The following ARHGAP22 variants were observed in gnomAD, a reference collection of about 807,000 sequenced individuals.
ARHGAP22 encodes the protein Rho GTPase activating protein 22, also known as rho GTPase-activating protein 22.
A neutral mutation model predicts 59.1 loss-of-function variants in ARHGAP22; 48 were observed. The observed-to-expected ratio is 0.81, with a 90% CI of 0.64 to 1.03. ARHGAP22 has a LOEUF of 1.03. Among genes scored for constraint, ARHGAP22 ranks in the 50% least tolerant of loss-of-function variants. The pLI is 0.00. For missense variants in ARHGAP22, 1,015 were observed against 958.7 expected (o/e 1.06, Z -0.78); for synonymous variants, 445 against 416.4 (o/e 1.07, Z -0.84).
intron 3 of ARHGAP22, among the ~76,000 whole-genome samples, chr10:48,489,523 CCTT>C (rs1360829358): frequency 1.3e-5 from 2 of 152,104 alleles, no homozygotes; most frequent in Non-Finnish European, 2.9e-5. Context: ...TTTATGCTGA[CCTT>C]CTTCTCTGTA....
At chr10:48,632,980 G>A (rs748120339) in intron 1 of ARHGAP22, among the ~76,000 whole-genome samples, 5 of 152,188 alleles carry the variant, frequency 3.3e-5, no homozygotes, top group Non-Finnish European at 7.3e-5. Context: ...GGAAGATCCT[G>A]AGTCACCTGC....
At chr10:48,590,154 C>A (rs1433808545) in intron 1 of ARHGAP22, among the ~76,000 whole-genome samples, 1 of 151,856 alleles carries the variant, frequency 6.6e-6, no homozygotes, top group African/African-American at 2.4e-5. Flanking sequence ...GGGAGTACAG[C>A]AAAGAAGCCT....
intron 3 of ARHGAP22, among the ~76,000 whole-genome samples, chr10:48,480,345 A>G (rs1319377680): frequency 6.6e-6 from 1 of 152,218 alleles, no homozygotes; most frequent in Non-Finnish European, 1.5e-5. Flanking sequence ...AGGATCGGAA[A>G]ACTCAGACAG....
At chr10:48,561,839 G>A (rs930153046) in intron 2 of ARHGAP22, among the ~76,000 whole-genome samples, 29 of 152,202 alleles carry the variant, frequency 1.9e-4, no homozygotes, top group African/African-American at 6.8e-4. Context: ...CTAAGTGTTG[G>A]TGTGGGTGCA....
At chr10:48,447,377 G>T (rs1341863760) in intron 9 of ARHGAP22, among the ~76,000 whole-genome samples, 2 of 152,206 alleles carry the variant, frequency 1.3e-5, no homozygotes, top group Non-Finnish European at 2.9e-5. Flanking sequence ...GAGCCACATG[G>T]CTGTGGACAG....
intron 3 of ARHGAP22, among the ~76,000 whole-genome samples, chr10:48,551,859 T>C (rs1297261014): frequency 1.3e-5 from 2 of 152,222 alleles, no homozygotes; most frequent in African/African-American, 4.8e-5. Context: ...CTAGAATCTG[T>C]AGGAGGCCCC....
At chr10:48,552,649 C>T (rs927760384) in intron 3 of ARHGAP22, among the ~76,000 whole-genome samples, 1 of 152,200 alleles carries the variant, frequency 6.6e-6, no homozygotes, top group South Asian at 2.1e-4. Flanking sequence ...AAGAAAATGT[C>T]CCCAGACTCC....
At chr10:48,635,364 T>C (rs370970312) in intron 1 of ARHGAP22, among the ~76,000 whole-genome samples, 5 of 152,342 alleles carry the variant, frequency 3.3e-5, no homozygotes, top group African/African-American at 1.2e-4. Context: ...CAGCTTTGGG[T>C]GCTCCGTAAC....
rs886235398 is a variant in ARHGAP22 at position 48,450,640 on chromosome 10, C to T, written c.1489G>A (p.Ala497Thr). The change falls in exon 9 of 10, where the codon GCG (alanine) becomes ACG (threonine). Residue 497 changes from alanine (A) to threonine (T), a missense_variant. Ala to Thr is a moderately conservative substitution (Grantham distance 58, BLOSUM62 0). Transcript: ENST00000249601. ...QRLSTYDNVP[A>T]PGLVPGIPSV... is the part of the protein sequence containing the mutation. ...GGTATGCCGGGGACCAGGCCCGGCG[C>T]GGGCACATTGTCGTAGGTGGAGAGT... The T allele has an allele frequency of 9.0e-6, 14 of 1,549,770 alleles. No individual in the cohort carries two copies. The highest frequency in any genetic ancestry group is 5.5e-5 in the African/African-American group (4 of 73,068).
At chr10:48,638,440 C>T (rs894420197) in intron 1 of ARHGAP22, among the ~76,000 whole-genome samples, 1 of 151,928 alleles carries the variant, frequency 6.6e-6, no homozygotes, top group African/African-American at 2.4e-5. Flanking sequence ...GATGAAGGGC[C>T]CTGGCTTCTG....
At chr10:48,555,021 G>A (rs551313571) in intron 3 of ARHGAP22, among the ~76,000 whole-genome samples, 2 of 152,274 alleles carry the variant, frequency 1.3e-5, no homozygotes, top group Admixed American at 6.5e-5. Flanking sequence ...AACTGCTAAC[G>A]TGACAGTAGA....
intron 3 of ARHGAP22, among the ~76,000 whole-genome samples, chr10:48,509,745 G>A (rs1389976247): frequency 6.6e-6 from 1 of 152,172 alleles, no homozygotes; most frequent in Non-Finnish European, 1.5e-5. Context: ...AAGGGAGGGG[G>A]CCGTGACATC....
At chr10:48,450,127 AG>A in intron 9 of ARHGAP22, 133 bp downstream of exon 9, 1 of 1,293,578 alleles carries the variant, frequency 7.7e-7, no homozygotes, top group Non-Finnish European at 1.0e-6. Context: ...TCCCAGAGCT[AG>A]GATTCCCCTC....
chr10:48,533,158 T>G (rs2055019342), intron 3 of ARHGAP22, among the ~76,000 whole-genome samples: 1 of 151,814 alleles, frequency 6.6e-6, no homozygotes, highest in Admixed American at 6.5e-5. Context: ...TTGCTATTCA[T>G]TTTGCAGACT....
intron 1 of ARHGAP22, among the ~76,000 whole-genome samples, chr10:48,638,400 T>TTG (rs148218697): frequency 2.7e-4 from 41 of 151,482 alleles, no homozygotes; most frequent in South Asian, 1.9e-3. Flanking sequence ...AGTGTGTGTG[T>TTG]TGTGTGTGTG....
rs148134080 is a variant in ARHGAP22 at position 48,541,891 on chromosome 10, G to A, written c.322+13572C>T. On this transcript the variant is annotated intron_variant, in intron 3 of 9. Coordinates refer to ENST00000249601, the MANE Select transcript of ARHGAP22 (RefSeq NM_021226.4). ...TGACATTACCTATTGAGCTCCATGGGGGGAGTTCAGTTAAAGGCCCCTTTG... is the reference window on the plus strand; with the variant it reads ...TGACATTACCTATTGAGCTCCATGGAGGGAGTTCAGTTAAAGGCCCCTTTG... Among the ~76,000 whole-genome samples, 786 of 152,326 alleles carry A rather than the reference G, an allele frequency of 5.2e-3. 5 individuals carry two copies. The highest frequency in any genetic ancestry group is 0.01 in the Admixed American group (157 of 15,298).
intron 3 of ARHGAP22, among the ~76,000 whole-genome samples, chr10:48,514,714 TA>T (rs2053121311): frequency 6.6e-6 from 1 of 152,196 alleles, no homozygotes; most frequent in Admixed American, 6.5e-5. Flanking sequence ...ATAGCTCTTC[TA>T]TTTAAAAGAT....
At chr10:48,493,686 G>A (rs993592512) in intron 3 of ARHGAP22, 13 of 1,389,856 alleles carry the variant, frequency 9.4e-6, no homozygotes, top group East Asian at 7.9e-5. Flanking sequence ...ATCAGTGCCC[G>A]AAGGCTGGGA....
At chr10:48,473,412 G>A (rs2048404794) in intron 4 of ARHGAP22, among the ~76,000 whole-genome samples, 1 of 152,178 alleles carries the variant, frequency 6.6e-6, no homozygotes, top group South Asian at 2.1e-4. Context: ...GTACAACAGT[G>A]TGAATACACT....
Sources: allele counts gnomAD v4.1 joint callset (sites outside exome capture counted in the v4.1 genomes callset), GRCh38; gene constraint gnomAD v4.1.1; transcripts MANE v1.5; gene names NCBI Gene and HGNC (gene_info 2026-07-23, HGNC 2026-07-21).